EPHA6: variants seen among roughly 807,000 people sequenced by gnomAD.
EPHA6 encodes EPH receptor A6.
A neutral mutation model predicts 112.0 loss-of-function variants in EPHA6; 50 were observed. That is an observed-to-expected ratio of 0.45 (90% CI 0.36 to 0.56). The LOEUF is 0.56. Among genes scored for constraint, EPHA6 ranks in the 20% least tolerant of loss-of-function variants. The probability of loss-of-function intolerance (pLI) is 0.00; values close to 1 mark genes in which losing one functional copy is unlikely to be tolerated. For missense variants in EPHA6, 1,280 were observed against 1,417.4 expected (o/e 0.90, Z 1.56); for synonymous variants, 529 against 490.7 (o/e 1.08, Z -1.03).
intron 5 of EPHA6, among the ~76,000 whole-genome samples, chr3:97,290,463 A>C (rs142070093): frequency 6.6e-6 from 1 of 152,236 alleles, no homozygotes; most frequent in Non-Finnish European, 1.5e-5. Context: ...TGATTAGTCA[A>C]GTGTTGAATT....
At chr3:97,355,555 A>T (rs2084027318) in intron 5 of EPHA6, among the ~76,000 whole-genome samples, 3 of 152,198 alleles carry the variant, frequency 2.0e-5, no homozygotes, top group Admixed American at 1.3e-4. Flanking sequence ...GCAAGAAGTT[A>T]AAACATACTG....
chr3:97,316,871 C>T (rs1362944254), intron 5 of EPHA6, among the ~76,000 whole-genome samples: 1 of 151,726 alleles, frequency 6.6e-6, no homozygotes, highest in Non-Finnish European at 1.5e-5. Flanking sequence ...TTCCAAAAGT[C>T]AAGAAGAGCC....
intron 13 of EPHA6, among the ~76,000 whole-genome samples, chr3:97,630,085 C>G (rs987835301): frequency 6.6e-6 from 1 of 151,916 alleles, no homozygotes; most frequent in Non-Finnish European, 1.5e-5. Flanking sequence ...AATCCAACCA[C>G]CATGTTTCAC....
chr3:97,633,368 C>G (rs1271788206), intron 13 of EPHA6, among the ~76,000 whole-genome samples: 1 of 152,014 alleles, frequency 6.6e-6, no homozygotes, highest in Non-Finnish European at 1.5e-5. Context: ...CATATTCACT[C>G]TCTTTCATTT....
At chr3:97,263,445 A>G (rs990513752) in intron 5 of EPHA6, among the ~76,000 whole-genome samples, 1 of 151,496 alleles carries the variant, frequency 6.6e-6, no homozygotes, top group African/African-American at 2.4e-5. Context: ...ATACACACAC[A>G]CACACACACA....
chr3:97,187,744 AGAG>A (rs1281278293), intron 3 of EPHA6, among the ~76,000 whole-genome samples: 218 of 140,604 alleles, frequency 1.6e-3, no homozygotes, highest in African/African-American at 5.2e-3. Flanking sequence ...AAAGAAAGAA[AGAG>A]GAAAGAAAGA....
At chr3:97,497,080 G>A (rs373692391) in intron 10 of EPHA6, among the ~76,000 whole-genome samples, 2 of 152,078 alleles carry the variant, frequency 1.3e-5, no homozygotes, top group Non-Finnish European at 2.9e-5. Flanking sequence ...CTACCACTCC[G>A]TGGTATGTTC....
At chr3:97,268,284 A>G (rs546270871) in intron 5 of EPHA6, among the ~76,000 whole-genome samples, 10 of 152,316 alleles carry the variant, frequency 6.6e-5, no homozygotes, top group African/African-American at 2.4e-4. Context: ...CCCCATAGCT[A>G]TCTCTAACTG....
chr3:97,641,717 T>C lies in EPHA6; in HGVS notation c.2784+3635T>C, dbSNP rs546165972. ...AAATCGGGTCACTCCCACCCGAATA[T>C]TGCGCTTTTCAGACCGGCTTAAAAA... On this transcript the variant is annotated intron_variant, in intron 14 of 17. Coordinates refer to ENST00000389672, the MANE Select transcript of EPHA6 (RefSeq NM_001080448.3). Among the ~76,000 whole-genome samples, 4 of 152,240 alleles carry C rather than the reference T, an allele frequency of 2.6e-5. No individual in the cohort carries two copies. The East Asian group carries it at 7.7e-4, about 29-fold the overall frequency.
chr3:97,117,256 T>G (rs2047915416), intron 3 of EPHA6, among the ~76,000 whole-genome samples: 1 of 151,862 alleles, frequency 6.6e-6, no homozygotes, highest in Non-Finnish European at 1.5e-5. Flanking sequence ...TTGCAAAATT[T>G]TTCTCCATTC....
At chr3:97,466,561 G>C (rs2091062679) in intron 7 of EPHA6, 1 of 736,368 alleles carries the variant, frequency 1.4e-6, no homozygotes, top group African/African-American at 1.8e-5. Context: ...TGATGTCTCA[G>C]TCTCAGTTCT....
At chr3:97,349,160 CTTAAA>C (rs1286443943) in intron 5 of EPHA6, among the ~76,000 whole-genome samples, 1 of 151,940 alleles carries the variant, frequency 6.6e-6, no homozygotes, top group African/African-American at 2.4e-5. Flanking sequence ...TAAAATCTCC[CTTAAA>C]TTCATTTTAT....
At position 97,431,731 on chromosome 3, in the gene EPHA6, C is replaced by T. The variant is rs532886232; in HGVS notation, c.1732-16837C>T. The stretch of plus-strand genomic sequence containing the variant: ...GCATTTTTCTTTCTCATGTTTAACA[C>T]GTTTATACTTTTAAAAGACCACCAG... On this transcript the variant is annotated intron_variant, in intron 6 of 17. Coordinates refer to ENST00000389672, the MANE Select transcript of EPHA6 (RefSeq NM_001080448.3). Among the ~76,000 whole-genome samples the T allele has an allele frequency of 5.3e-5, 8 of 152,012 alleles. No individual in the cohort carries two copies. In the South Asian group the frequency reaches 1.2e-3, roughly 24 times the overall value.
At chr3:97,668,911 C>CAAA (rs397990599) in intron 14 of EPHA6, among the ~76,000 whole-genome samples, 2,196 of 31,924 alleles carry the variant, frequency 0.069, 823 homozygotes, top group African/African-American at 0.12. Context: ...GACTCTGTCT[C>CAAA]AAAAAAAAAA....
chr3:97,451,230 A>ACC (rs1257443281), intron 7 of EPHA6, among the ~76,000 whole-genome samples: 6 of 151,990 alleles, frequency 3.9e-5, no homozygotes, highest in African/African-American at 1.2e-4. Context: ...GATTAACATG[A>ACC]CTAGTAATAC....
chr3:96,921,098 C>T (rs1011608941), intron 2 of EPHA6, among the ~76,000 whole-genome samples: 6 of 151,770 alleles, frequency 4.0e-5, no homozygotes, highest in African/African-American at 1.4e-4. Flanking sequence ...AAGGACTATG[C>T]GTATAACTAT....
chr3:97,048,686 T>A (rs1031091953), intron 3 of EPHA6, among the ~76,000 whole-genome samples: 1 of 152,176 alleles, frequency 6.6e-6, no homozygotes, highest in African/African-American at 2.4e-5. Flanking sequence ...AAATTATTAA[T>A]TTAACCAATA....
intron 1 of EPHA6, among the ~76,000 whole-genome samples, chr3:96,851,940 C>T (rs1249842399): frequency 1.3e-5 from 2 of 152,010 alleles, no homozygotes; most frequent in Non-Finnish European, 2.9e-5. Context: ...TTAGGTAATA[C>T]TGGAGAAATA....
chr3:97,449,988 C>G (rs1270449173), intron 7 of EPHA6, among the ~76,000 whole-genome samples: 1 of 151,980 alleles, frequency 6.6e-6, no homozygotes, highest in African/African-American at 2.4e-5. Context: ...GGAGAAAGTG[C>G]TGATGTATTT....
Sources: gnomAD v4.1 joint callset for allele counts (sites outside exome capture counted in the v4.1 genomes callset) on GRCh38, gnomAD v4.1.1 for gene constraint, MANE v1.5 for transcripts, NCBI Gene and HGNC (gene_info 2026-07-23, HGNC 2026-07-21) for gene names.